The following COMMD1 variants were observed in gnomAD, a reference collection of about 807,000 sequenced individuals.
The protein encoded by COMMD1 is copper metabolism domain containing 1.
In COMMD1, 10 loss-of-function variants were observed where a neutral mutation model predicts 17.2. That is an observed-to-expected ratio of 0.58 (90% CI 0.36 to 0.99). The LOEUF (loss-of-function observed/expected upper bound fraction) is 0.99, where lower values mean the gene tolerates loss of function less well. COMMD1 is among the 50% of genes least tolerant of loss of function. The probability of loss-of-function intolerance (pLI) is 0.01; values close to 1 mark genes in which losing one functional copy is unlikely to be tolerated. For synonymous variants in COMMD1, 97 were observed against 91.6 expected (o/e 1.06, Z -0.34); for missense variants, 270 against 231.8 (o/e 1.17, Z -1.07).
chr2:61,936,255 T>C (rs947944534), intron 1 of COMMD1, among the ~76,000 whole-genome samples: 1 of 152,172 alleles, frequency 6.6e-6, no homozygotes, highest in African/African-American at 2.4e-5. Flanking sequence ...ATGTAAGCAA[T>C]GTCATGAGAA....
intron 1 of COMMD1, among the ~76,000 whole-genome samples, chr2:61,973,609 A>G (rs987629302): frequency 2.6e-5 from 4 of 152,186 alleles, no homozygotes; most frequent in African/African-American, 9.6e-5. Context: ...GAGTCGTTAT[A>G]TATTTTTCAT....
At chr2:62,089,592 G>C (rs889384760) in intron 2 of COMMD1, among the ~76,000 whole-genome samples, 4 of 152,078 alleles carry the variant, frequency 2.6e-5, no homozygotes, top group African/African-American at 9.7e-5. Context: ...CTGCAGGGCT[G>C]TTTTCAAGAT....
chr2:61,955,088 G>T (rs545548546), intron 1 of COMMD1, among the ~76,000 whole-genome samples: 2 of 152,208 alleles, frequency 1.3e-5, no homozygotes, highest in African/African-American at 4.8e-5. Context: ...ATAATTTGGC[G>T]TTCCAACAGC....
intron 1 of COMMD1, chr2:61,915,854 A>G: frequency 3.5e-6 from 1 of 285,564 alleles, no homozygotes. Context: ...ATTAAAAATA[A>G]AATAGAGATG....
intron 2 of COMMD1, chr2:62,084,816 A>C (rs191677083): frequency 2.0e-5 from 3 of 152,312 alleles, no homozygotes; most frequent in African/African-American, 7.2e-5. Context: ...GCTGAGACTT[A>C]CATTTAAAGG....
chr2:61,954,755 C>T (rs1199130769), intron 1 of COMMD1, among the ~76,000 whole-genome samples: 1 of 152,066 alleles, frequency 6.6e-6, no homozygotes, highest in East Asian at 1.9e-4. Flanking sequence ...GATCTTGGCT[C>T]ATTGCAGCCT....
At chr2:62,106,021 G>C (rs1417618171) in intron 2 of COMMD1, among the ~76,000 whole-genome samples, 3 of 152,076 alleles carry the variant, frequency 2.0e-5, no homozygotes, top group African/African-American at 7.2e-5. Flanking sequence ...TCTGAGACAG[G>C]GTCTGGCTCT....
chr2:62,073,475 T>C (rs760432294), intron 2 of COMMD1, among the ~76,000 whole-genome samples: 12 of 152,246 alleles, frequency 7.9e-5, no homozygotes, highest in Non-Finnish European at 1.3e-4. Flanking sequence ...TTTCAACTAA[T>C]TGGCAACTAA....
intron 2 of COMMD1, among the ~76,000 whole-genome samples, chr2:62,115,270 G>A (rs985280695): frequency 4.6e-5 from 7 of 152,224 alleles, no homozygotes; most frequent in African/African-American, 1.7e-4. Context: ...ACTAATCACT[G>A]GGGAGAGGAA....
chr2:62,020,887 C>G (rs1348986797), intron 2 of COMMD1, among the ~76,000 whole-genome samples: 1 of 152,044 alleles, frequency 6.6e-6, no homozygotes, highest in Non-Finnish European at 1.5e-5. Context: ...CCTGTAATCC[C>G]AGCTACTCAG....
intron 2 of COMMD1, among the ~76,000 whole-genome samples, chr2:62,043,970 A>G (rs1362092704): frequency 6.6e-6 from 1 of 152,058 alleles, no homozygotes; most frequent in Admixed American, 6.6e-5. Context: ...GATTTTTGTT[A>G]TATTTTTGTT....
chr2:62,022,484 G>A (rs10084368), intron 2 of COMMD1, among the ~76,000 whole-genome samples: 16,540 of 145,110 alleles, frequency 0.11, 2,347 homozygotes, highest in African/African-American at 0.34. Flanking sequence ...TGAAGCCGAG[G>A]CCAGTGTATG....
At chr2:62,071,148 G>T (rs1342931760) in intron 2 of COMMD1, among the ~76,000 whole-genome samples, 2 of 152,192 alleles carry the variant, frequency 1.3e-5, no homozygotes, top group Admixed American at 6.5e-5. Flanking sequence ...TGGATTATTC[G>T]TGAGTTTTCC....
At chr2:61,975,118 C>CTTTTTTTTTTTTTTT in intron 1 of COMMD1, among the ~76,000 whole-genome samples, 293 of 80,148 alleles carry the variant, frequency 3.7e-3, no homozygotes, top group Non-Finnish European at 4.3e-3. Flanking sequence ...TCATTTCTTT[C>CTTTTTTTTTTTTTTT]TTTTTTTTTT....
intron 2 of COMMD1, among the ~76,000 whole-genome samples, chr2:62,045,197 A>G (rs1169567456): frequency 6.6e-6 from 1 of 151,998 alleles, no homozygotes; most frequent in African/African-American, 2.4e-5. Context: ...GGGTGTGGAA[A>G]AACTGTCCTT....
At chr2:62,086,487 T>G (rs1269293135) in intron 2 of COMMD1, among the ~76,000 whole-genome samples, 3 of 150,550 alleles carry the variant, frequency 2.0e-5, no homozygotes, top group Non-Finnish European at 1.5e-5. Context: ...CTCCAGCCTG[T>G]ATGACTGAGC....
At chr2:61,920,001 T>A (rs955843563) in intron 1 of COMMD1, among the ~76,000 whole-genome samples, 2 of 152,144 alleles carry the variant, frequency 1.3e-5, no homozygotes, top group East Asian at 3.9e-4. Context: ...TACTAGCCCA[T>A]GTCTGTGGTC....
chr2:62,075,018 T>C (rs1292113597), intron 2 of COMMD1, among the ~76,000 whole-genome samples: 1 of 151,652 alleles, frequency 6.6e-6, no homozygotes, highest in African/African-American at 2.4e-5. Flanking sequence ...GCCTCCCTAG[T>C]AGCTGGAACT....
intron 1 of COMMD1, among the ~76,000 whole-genome samples, chr2:61,924,332 C>T (rs1670270391): frequency 6.8e-6 from 1 of 146,058 alleles, no homozygotes; most frequent in Admixed American, 7.3e-5. Flanking sequence ...GCGTGTTGGG[C>T]TTGAGAACGA....
Sources: gnomAD v4.1 joint callset for allele counts (sites outside exome capture counted in the v4.1 genomes callset) on GRCh38, gnomAD v4.1.1 for gene constraint, MANE v1.5 for transcripts, NCBI Gene and HGNC (gene_info 2026-07-23, HGNC 2026-07-21) for gene names.